BICRA: variants seen among roughly 807,000 people sequenced by gnomAD.
BICRA encodes the protein BRD4-interacting chromatin-remodeling complex-associated protein.
In BICRA, 31 loss-of-function variants were observed where a neutral mutation model predicts 96.9. The ratio of observed to expected loss-of-function variants is 0.32; its 90% CI spans 0.24 to 0.43. The LOEUF (loss-of-function observed/expected upper bound fraction) is 0.43, where lower values mean the gene tolerates loss of function less well. Among genes scored for constraint, BICRA ranks in the 20% least tolerant of loss-of-function variants. The pLI is 1.00. For synonymous variants in BICRA, 1,350 were observed against 1,071.8 expected (o/e 1.26, Z -5.07); for missense variants, 2,283 against 2,190.3 (o/e 1.04, Z -0.84).
At chr19:47,652,199 T>G (rs1972550511) in intron 1 of BICRA, among the ~76,000 whole-genome samples, 1 of 152,142 alleles carries the variant, frequency 6.6e-6, no homozygotes, top group Non-Finnish European at 1.5e-5. Context: ...GAAGGTCATC[T>G]GGAGTATTTT....
chr19:47,617,466 C>T (rs1400000150), intron 1 of BICRA, among the ~76,000 whole-genome samples: 1 of 152,080 alleles, frequency 6.6e-6, no homozygotes, highest in Non-Finnish European at 1.5e-5. Context: ...CAGGCTCCAG[C>T]AGTTCTCGTG....
Position 47,702,559 on chromosome 19 carries a change from TTCCC to T in BICRA, c.*146_*149del, listed in dbSNP as rs1973483449. ...AGTTATTTGAGTCACAAAGGCCTCC[TTCCC>T]TGCCGCCTGCTTCAGCTGGGTTGCT... On this transcript the variant is annotated 3_prime_UTR_variant, in exon 15 of 15. Coordinates refer to ENST00000594866, the MANE Select transcript of BICRA (RefSeq NM_001394372.1). The T allele has an allele frequency of 1.1e-6, 1 of 943,340 alleles. No homozygotes were observed. Among genetic ancestry groups the T allele is most frequent in the African/African-American group, 1.8e-5 (1 of 56,650 alleles). 58.4% of individuals were successfully genotyped at this position (943,340 alleles called of 1,614,324 possible). A position where few individuals can be genotyped will look rare whatever the true frequency, so the allele number is the denominator to read the frequency against.
intron 1 of BICRA, chr19:47,615,588 G>A (rs1971971603): frequency 7.3e-6 from 1 of 137,412 alleles, no homozygotes; most frequent in South Asian, 2.3e-4. Context: ...TCTATTAAGT[G>A]GGTTCATATC....
intron 1 of BICRA, chr19:47,615,785 C>T (rs1364503013): frequency 1.3e-5 from 2 of 152,128 alleles, no homozygotes; most frequent in Admixed American, 6.5e-5. Flanking sequence ...CAGTGTGACC[C>T]TGGGCAAGCA....
intron 1 of BICRA, among the ~76,000 whole-genome samples, chr19:47,617,495 C>G (rs900164899): frequency 1.3e-5 from 2 of 151,962 alleles, no homozygotes; most frequent in Non-Finnish European, 2.9e-5. Context: ...TCCCGAGTAG[C>G]TGGAATTACA....
At chr19:47,696,641 G>A (rs1973347826) in intron 11 of BICRA, 129 bp downstream of exon 11, 3 of 772,968 alleles carry the variant, frequency 3.9e-6, no homozygotes, top group African/African-American at 1.8e-5. Context: ...TCTTGGTAGC[G>A]ATGTAGTTCC....
intron 1 of BICRA, among the ~76,000 whole-genome samples, chr19:47,660,606 T>G (rs1380707227): frequency 6.6e-6 from 1 of 152,170 alleles, no homozygotes; most frequent in Non-Finnish European, 1.5e-5. Context: ...CTGACCAAGG[T>G]TCACGGGAAT....
At chr19:47,678,890 CTTTTTTTCTTCTTTTTT>C (rs1972981758) in intron 5 of BICRA, 2 of 179,816 alleles carry the variant, frequency 1.1e-5, no homozygotes, top group South Asian at 4.0e-4. Context: ...TTTTTTTTTT[CTTTTTTTCTTCTTTTTT>C]TTTTTTTCTT....
chr19:47,687,821 CAA>C (rs5828311), intron 7 of BICRA, among the ~76,000 whole-genome samples: 4 of 123,564 alleles, frequency 3.2e-5, no homozygotes, highest in Non-Finnish European at 3.3e-5. Flanking sequence ...GACTCTGCCT[CAA>C]AAAAAAAAAA....
Position 47,698,694 on chromosome 19 carries a change from C to T in BICRA, c.3309C>T (p.Ala1103=). The stretch of plus-strand genomic sequence containing the variant: ...TCCTGCACCCCGACTACAAGACGGC[C>T]TTCCCCTCCTTTGAGGACGCCCTGC... ...GSVLHPDYKT[A]FPSFEDALHR... Residue 1103 remains alanine, a synonymous_variant, in exon 12 of 15, where the codon GCC becomes GCT. Transcript: ENST00000594866. This position sits in a 1 kb window ranked among gnomAD's most constrained non-coding sequence, Gnocchi z 4.8. 2 of 1,595,400 alleles carry T rather than the reference C, an allele frequency of 1.3e-6. No homozygotes were observed. The highest frequency in any genetic ancestry group is 1.3e-5 in the African/African-American group (1 of 74,594).
chr19:47,698,893 C>A lies in BICRA; in HGVS notation c.3398-72C>A. The A allele has an allele frequency of 7.3e-7, 1 of 1,365,612 alleles. No homozygotes were observed. Among genetic ancestry groups the A allele is most frequent in the Non-Finnish European group, 1.0e-6 (1 of 977,406 alleles). The allele number at this position is 1,365,612 out of a possible 1,614,324, so 84.6% of individuals were successfully genotyped here. A position where few individuals can be genotyped will look rare whatever the true frequency, so the allele number is the denominator to read the frequency against. ...CCACGGTGCGCTATGCTGACCCTGCCCCGCCCTCCTTCCTGCGCATCCGCG... is the reference window on the plus strand; with the variant it reads ...CCACGGTGCGCTATGCTGACCCTGCACCGCCCTCCTTCCTGCGCATCCGCG... On this transcript the variant is annotated intron_variant, in intron 12 of 14. Transcript: ENST00000594866. This position sits in a 1 kb window ranked among gnomAD's most constrained non-coding sequence, Gnocchi z 4.8.
At chr19:47,667,029 T>A (rs1318383733) in intron 1 of BICRA, among the ~76,000 whole-genome samples, 1 of 151,504 alleles carries the variant, frequency 6.6e-6, no homozygotes, top group Non-Finnish European at 1.5e-5. Context: ...TTTCTTTTTT[T>A]TTTTTTTGAG....
chr19:47,615,522 A>T (rs1971970467), intron 1 of BICRA, among the ~76,000 whole-genome samples: 1 of 151,956 alleles, frequency 6.6e-6, no homozygotes, highest in Non-Finnish European at 1.5e-5. Flanking sequence ...CAGTTCTGCT[A>T]TTTGCTGGCT....
chr19:47,645,195 T>C (rs900938280), intron 1 of BICRA, among the ~76,000 whole-genome samples: 1 of 152,208 alleles, frequency 6.6e-6, no homozygotes, highest in Non-Finnish European at 1.5e-5. Flanking sequence ...TCTGGTCTCT[T>C]TCAGTCCCTT....
chr19:47,640,079 A>G (rs998592551), intron 1 of BICRA, among the ~76,000 whole-genome samples: 1 of 152,140 alleles, frequency 6.6e-6, no homozygotes, highest in Admixed American at 6.6e-5. Context: ...GGTTAGCTTC[A>G]CTCTGTCATA....
chr19:47,609,946 C>T (rs1201482746), intron 1 of BICRA, among the ~76,000 whole-genome samples: 9 of 106,378 alleles, frequency 8.5e-5, no homozygotes, highest in African/African-American at 3.1e-4. Flanking sequence ...AGGCTCATCC[C>T]GGAGGGGGCC....
rs771473550 is a variant in BICRA, at chr19:47,702,196, C to T, written c.4464C>T (p.Ser1488=). 3.1e-6 allele frequency: 5 copies of T among 1,592,914 alleles called. No individual in the cohort carries two copies. Among genetic ancestry groups the T allele is most frequent in the African/African-American group, 2.7e-5 (2 of 73,996 alleles). Residue 1488 remains serine (S), a synonymous_variant, in exon 15 of 15, where the codon TCC becomes TCT. Coordinates refer to ENST00000594866, the MANE Select transcript of BICRA (RefSeq NM_001394372.1). ...ESPDVDQASF[S]SDSPQDDTLT... ...CCGACGTGGACCAGGCCAGCTTCTC[C>T]AGCGACAGCCCGCAGGATGACACGC...
At chr19:47,635,204 T>C (rs1972282087) in intron 1 of BICRA, among the ~76,000 whole-genome samples, 1 of 152,030 alleles carries the variant, frequency 6.6e-6, no homozygotes, top group South Asian at 2.1e-4. Flanking sequence ...TGGCACTAAG[T>C]ACCTTCATAA....
chr19:47,627,053 G>GC (rs1207585518), intron 1 of BICRA, among the ~76,000 whole-genome samples: 2 of 152,048 alleles, frequency 1.3e-5, no homozygotes, highest in Admixed American at 6.6e-5. Flanking sequence ...AAGCCTCGCT[G>GC]CCCCCTTGGT....
Sources: gnomAD v4.1 joint callset for allele counts (sites outside exome capture counted in the v4.1 genomes callset) on GRCh38, gnomAD v4.1.1 for gene constraint, Gnocchi (gnomAD v3.1) non-coding constraint, MANE v1.5 for transcripts, NCBI Gene and HGNC (gene_info 2026-07-23, HGNC 2026-07-21) for gene names.